WWOX: variants seen among roughly 807,000 people sequenced by gnomAD.
WWOX encodes WW domain-containing oxidoreductase.
WWOX carries 69 observed loss-of-function variants against 46.2 expected under a neutral mutation model. The ratio of observed to expected loss-of-function variants is 1.49; its 90% CI spans 1.23 to 1.82. WWOX has a LOEUF of 1.82. Ranked by LOEUF, WWOX falls within the 40% of genes most tolerant of loss-of-function variation. The probability of loss-of-function intolerance (pLI) is 0.00; values close to 1 mark genes in which losing one functional copy is unlikely to be tolerated. For missense variants in WWOX, 919 were observed against 542.6 expected (o/e 1.69, Z -6.89); for synonymous variants, 359 against 202.6 (o/e 1.77, Z -6.56).
intron 5 of WWOX, among the ~76,000 whole-genome samples, chr16:78,259,576 C>G (rs11859189): frequency 0.011 from 1,725 of 151,666 alleles, 74 homozygotes; most frequent in African/African-American, 0.04. Flanking sequence ...CCTTGGCTTC[C>G]CAAAGTGCTG....
intron 8 of WWOX, chr16:78,535,653 T>G (rs972613240): frequency 1.3e-5 from 2 of 152,208 alleles, no homozygotes; most frequent in Admixed American, 6.5e-5. Flanking sequence ...TAAAGGAAGT[T>G]TAAACAATCT....
rs376681441 is a variant in WWOX at position 78,568,060 on chromosome 16, C to T, written c.1056+135308C>T. On this transcript the variant is annotated intron_variant, in intron 8 of 8. Transcript: ENST00000566780. ...GTCTTTGTCTCATTTACACACAGTG[C>T]CTGCGAGAGACTCTTAGGGCAGAAG... Among the ~76,000 whole-genome samples the T allele has an allele frequency of 1.2e-4, 18 of 152,306 alleles. No homozygotes were observed. In the East Asian group the frequency reaches 2.1e-3, roughly 18 times the overall value.
intron 7 of WWOX, among the ~76,000 whole-genome samples, chr16:78,428,361 T>C (rs2083136098): frequency 6.6e-6 from 1 of 152,178 alleles, no homozygotes; most frequent in Non-Finnish European, 1.5e-5. Flanking sequence ...GATAAGAAGC[T>C]GGCCCACCCT....
At chr16:78,322,926 T>C (rs1045214037) in intron 5 of WWOX, among the ~76,000 whole-genome samples, 2 of 152,144 alleles carry the variant, frequency 1.3e-5, no homozygotes, top group African/African-American at 4.8e-5. Flanking sequence ...CTTTCAACCA[T>C]TTAAAAATAT....
intron 8 of WWOX, among the ~76,000 whole-genome samples, chr16:78,869,417 A>G (rs973764287): frequency 2.0e-5 from 3 of 152,182 alleles, no homozygotes; most frequent in Non-Finnish European, 4.4e-5. Context: ...TTATTTGGCA[A>G]TTGCCTGGAC....
At chr16:78,725,483 G>T (rs1199273604) in intron 8 of WWOX, among the ~76,000 whole-genome samples, 3 of 150,334 alleles carry the variant, frequency 2.0e-5, no homozygotes, top group African/African-American at 7.4e-5. Context: ...AGGTAGCTGG[G>T]ATTATAGGCA....
intron 8 of WWOX, among the ~76,000 whole-genome samples, chr16:78,805,816 C>T (rs2051019648): frequency 6.6e-6 from 1 of 152,170 alleles, no homozygotes. Context: ...AGTTCCTCTC[C>T]AAACTGTCAA....
intron 6 of WWOX, among the ~76,000 whole-genome samples, chr16:78,390,018 A>T (rs2082146383): frequency 6.6e-6 from 1 of 152,238 alleles, no homozygotes; most frequent in African/African-American, 2.4e-5. Context: ...AACTGCTGGA[A>T]TTACAGGCGT....
rs187779546 is a variant in WWOX at position 78,674,632 on chromosome 16, C to T, written c.1056+241880C>T. On this transcript the variant is annotated intron_variant, in intron 8 of 8. Transcript: ENST00000566780. ...TTATTTTCTCCTAACCACTAGGTTC[C>T]ACACTTCTGGCCACCTGCCTTTATC... Among the ~76,000 whole-genome samples, 94 of 152,244 alleles carry T rather than the reference C, an allele frequency of 6.2e-4. No individual in the cohort carries two copies. In the East Asian group the frequency reaches 6.8e-3, roughly 11 times the overall value.
intron 6 of WWOX, among the ~76,000 whole-genome samples, chr16:78,398,271 CCCATGTCACCTGTGG>C (rs1435339344): frequency 6.6e-6 from 1 of 152,168 alleles, no homozygotes; most frequent in African/African-American, 2.4e-5. Context: ...GATCCCTTCT[CCCATGTCACCTGTGG>C]CCATGTCTTC....
intron 8 of WWOX, among the ~76,000 whole-genome samples, chr16:78,495,456 A>G (rs1410389222): frequency 2.5e-5 from 2 of 78,456 alleles, no homozygotes; most frequent in Admixed American, 1.9e-4. Context: ...TAGACTTTTG[A>G]TAGGGTTTTT....
chr16:78,628,714 C>A (rs140566600), intron 8 of WWOX, among the ~76,000 whole-genome samples: 1 of 152,086 alleles, frequency 6.6e-6, no homozygotes, highest in East Asian at 1.9e-4. Flanking sequence ...AATGGAATTT[C>A]ACTGTTTTAA....
chr16:78,443,580 C>A (rs142011950), intron 8 of WWOX, among the ~76,000 whole-genome samples: 1 of 152,158 alleles, frequency 6.6e-6, no homozygotes, highest in Non-Finnish European at 1.5e-5. Flanking sequence ...TGTTTTAAAT[C>A]CGCCTCGGCC....
intron 8 of WWOX, among the ~76,000 whole-genome samples, chr16:78,844,428 T>C (rs1233556477): frequency 6.6e-6 from 1 of 152,140 alleles, no homozygotes; most frequent in African/African-American, 2.4e-5. Flanking sequence ...GATGAATAAT[T>C]TGGGCAGTCT....
intron 8 of WWOX, among the ~76,000 whole-genome samples, chr16:78,868,431 G>T (rs2151199917): frequency 6.6e-6 from 1 of 152,034 alleles, no homozygotes; most frequent in Non-Finnish European, 1.5e-5. Context: ...TCAAGAAAAT[G>T]TTCTAGGACA....
At chr16:78,524,709 G>A (rs1176722149) in intron 8 of WWOX, among the ~76,000 whole-genome samples, 4 of 151,754 alleles carry the variant, frequency 2.6e-5, no homozygotes, top group East Asian at 1.9e-4. Flanking sequence ...GTGAGCCACC[G>A]CGCCCAGCCT....
intron 8 of WWOX, among the ~76,000 whole-genome samples, chr16:78,936,727 C>G (rs1007591525): frequency 6.6e-6 from 1 of 151,976 alleles, no homozygotes; most frequent in Non-Finnish European, 1.5e-5. Flanking sequence ...ATCACAGTTT[C>G]CAGAAAATGG....
intron 8 of WWOX, among the ~76,000 whole-genome samples, chr16:78,480,345 G>A (rs1597144059): frequency 6.6e-6 from 1 of 152,194 alleles, no homozygotes; most frequent in Non-Finnish European, 1.5e-5. Context: ...CTTGGGTTCC[G>A]AGAGGAAACA....
At chr16:79,101,051 G>C (rs952491009) in intron 8 of WWOX, 1 of 153,002 alleles carries the variant, frequency 6.5e-6, no homozygotes, top group Non-Finnish European at 1.5e-5. Flanking sequence ...CCCAGGACGA[G>C]AGTTCAGCAA....
Sources: gnomAD v4.1 joint callset for allele counts (sites outside exome capture counted in the v4.1 genomes callset) on GRCh38, gnomAD v4.1.1 for gene constraint, MANE v1.5 for transcripts, NCBI Gene and HGNC (gene_info 2026-07-23, HGNC 2026-07-21) for gene names.